Variants in PCDH15 observed in about 807,000 individuals in gnomAD.
PCDH15 encodes the protein protocadherin related 15.
In PCDH15, 129 loss-of-function variants were observed where a neutral mutation model predicts 178.5. The observed-to-expected ratio is 0.72, with a 90% CI of 0.63 to 0.84. The LOEUF (loss-of-function observed/expected upper bound fraction) is 0.84, where lower values mean the gene tolerates loss of function less well. Ranked by LOEUF, PCDH15 falls within the 40% of genes least tolerant of loss-of-function variation. The pLI is 0.00. For synonymous variants in PCDH15, 800 were observed against 732.0 expected (o/e 1.09, Z -1.50); for missense variants, 2,230 against 2,099.9 (o/e 1.06, Z -1.21).
chr10:54,515,421 T>A (rs2082112642), intron 3 of PCDH15, among the ~76,000 whole-genome samples: 1 of 152,172 alleles, frequency 6.6e-6, no homozygotes, highest in Non-Finnish European at 1.5e-5. Flanking sequence ...GCAGACAGGC[T>A]GGGGGAGGGG....
chr10:55,322,065 T>TC (rs1475775387), upstream of PCDH15, among the ~76,000 whole-genome samples: 13 of 152,144 alleles, frequency 8.5e-5, no homozygotes, highest in African/African-American at 3.1e-4. Flanking sequence ...ATTGTAATAA[T>TC]CCTCATGTGT....
At chr10:55,093,916 A>C (rs1207687628) in intron 2 of PCDH15, among the ~76,000 whole-genome samples, 1 of 152,136 alleles carries the variant, frequency 6.6e-6, no homozygotes, top group South Asian at 2.1e-4. Context: ...GGATGTGGAG[A>C]AATAGGAACA....
intron 2 of PCDH15, among the ~76,000 whole-genome samples, chr10:55,411,320 A>G (rs1589000599): frequency 6.6e-6 from 1 of 152,112 alleles, no homozygotes; most frequent in South Asian, 2.1e-4. Context: ...CCAGCACAAA[A>G]CAGATTCAAT....
chr10:55,500,717 T>C (rs1418239094), intron 2 of PCDH15, among the ~76,000 whole-genome samples: 1 of 151,822 alleles, frequency 6.6e-6, no homozygotes, highest in Non-Finnish European at 1.5e-5. Context: ...TTCTGACATC[T>C]TTGGGCAACC....
At chr10:54,868,249 T>C (rs1319997664) in intron 3 of PCDH15, among the ~76,000 whole-genome samples, 1 of 152,210 alleles carries the variant, frequency 6.6e-6, no homozygotes, top group African/African-American at 2.4e-5. Context: ...ATTATAGATG[T>C]AGATTATTCT....
intron 21 of PCDH15, among the ~76,000 whole-genome samples, chr10:53,970,733 A>T (rs1170962715): frequency 6.6e-6 from 1 of 152,080 alleles, no homozygotes; most frequent in African/African-American, 2.4e-5. Context: ...CCCAAGAATA[A>T]ACTAGGAAGA....
At chr10:54,343,806 AAAAAAT>A (rs777026851) in intron 6 of PCDH15, among the ~76,000 whole-genome samples, 3 of 152,158 alleles carry the variant, frequency 2.0e-5, no homozygotes, top group South Asian at 2.1e-4. Context: ...AATAAAAAAT[AAAAAAT>A]AAAAATAAAA....
intron 2 of PCDH15, among the ~76,000 whole-genome samples, chr10:55,590,347 G>A (rs1842819798): frequency 2.0e-5 from 3 of 149,674 alleles, no homozygotes; most frequent in Non-Finnish European, 4.4e-5. Context: ...AGCATTAGGA[G>A]ATATACCTAA....
At chr10:54,660,000 T>C (rs925991289) in intron 2 of PCDH15, among the ~76,000 whole-genome samples, 1 of 152,028 alleles carries the variant, frequency 6.6e-6, no homozygotes, top group East Asian at 1.9e-4. Flanking sequence ...CTTAAATTAA[T>C]AATCCAATAT....
At chr10:53,863,970 T>C (rs2079275994) in intron 27 of PCDH15, among the ~76,000 whole-genome samples, 1 of 152,164 alleles carries the variant, frequency 6.6e-6, no homozygotes. Context: ...TGAAATAGCA[T>C]GCCAGTTAAT....
chr10:55,616,088 G>T (rs974055616), intron 2 of PCDH15, among the ~76,000 whole-genome samples: 1 of 152,098 alleles, frequency 6.6e-6, no homozygotes. Context: ...CTTTCCTGCA[G>T]CCCACCATTA....
At chr10:54,164,613 G>A (rs1340492396) in intron 13 of PCDH15, among the ~76,000 whole-genome samples, 2 of 152,192 alleles carry the variant, frequency 1.3e-5, no homozygotes, top group African/African-American at 4.8e-5. Flanking sequence ...ATCTATGGTT[G>A]TTAATTTGCT....
intron 2 of PCDH15, chr10:54,607,724 G>A (rs1016652924): frequency 1.3e-5 from 3 of 237,444 alleles, no homozygotes; most frequent in African/African-American, 7.1e-5. Context: ...ATATTTATTA[G>A]AAAAAATATT....
intron 2 of PCDH15, among the ~76,000 whole-genome samples, chr10:55,510,172 T>C (rs1357215217): frequency 6.6e-6 from 1 of 152,034 alleles, no homozygotes; most frequent in Non-Finnish European, 1.5e-5. Flanking sequence ...TTTTCTCTTA[T>C]AGTAAGTTAT....
chr10:55,265,778 T>C (rs1842275036), intron 1 of PCDH15, among the ~76,000 whole-genome samples: 1 of 151,950 alleles, frequency 6.6e-6, no homozygotes, highest in African/African-American at 2.4e-5. Context: ...CGTGATTCAG[T>C]CAAGAAACAG....
intron 3 of PCDH15, among the ~76,000 whole-genome samples, chr10:54,456,435 G>A (rs1589504611): frequency 6.7e-6 from 1 of 150,198 alleles, no homozygotes; most frequent in Admixed American, 6.7e-5. Context: ...CCTTTGTGTT[G>A]GCCAATTACC....
chr10:54,854,235 G>A (rs1158050873), intron 3 of PCDH15, among the ~76,000 whole-genome samples: 1 of 152,170 alleles, frequency 6.6e-6, no homozygotes, highest in Non-Finnish European at 1.5e-5. Flanking sequence ...GAAGCTTAGA[G>A]ATGCCAGAAA....
Position 55,594,804 on chromosome 10 carries a change from C to A in PCDH15, c.-156+32821G>T, listed in dbSNP as rs185637851. On this transcript the variant is annotated intron_variant, in intron 2 of 5. Coordinates refer to the PCDH15 transcript ENST00000613346. ...AATTTAAGAAGACAATTCAAATTTC[C>A]CCTGATACACTCTACCAGTGTCACT... Among the ~76,000 whole-genome samples the A allele has an allele frequency of 2.0e-3, 301 of 152,022 alleles. 1 individual carries two copies. Among genetic ancestry groups the A allele is most frequent in the African/African-American group, 7.1e-3 (293 of 41,510 alleles).
At chr10:55,150,018 CAG>C (rs945775824) in intron 2 of PCDH15, among the ~76,000 whole-genome samples, 5 of 131,212 alleles carry the variant, frequency 3.8e-5, no homozygotes, top group African/African-American at 1.4e-4. Flanking sequence ...CGAGAGTGAG[CAG>C]AGAGAGAGAG....
Sources: gnomAD v4.1 joint callset for allele counts (sites outside exome capture counted in the v4.1 genomes callset) on GRCh38, gnomAD v4.1.1 for gene constraint, MANE v1.5 for transcripts, NCBI Gene and HGNC (gene_info 2026-07-23, HGNC 2026-07-21) for gene names.